Variants in CP observed in about 807,000 individuals in gnomAD.
The protein encoded by CP is ceruloplasmin.
A neutral mutation model predicts 122.4 loss-of-function variants in CP; 64 were observed. The observed-to-expected ratio is 0.52, with a 90% CI of 0.43 to 0.64. CP has a LOEUF of 0.64. Among genes scored for constraint, CP ranks in the 30% least tolerant of loss-of-function variants. The probability of loss-of-function intolerance (pLI) is 0.00; values close to 1 mark genes in which losing one functional copy is unlikely to be tolerated. For synonymous variants in CP, 440 were observed against 436.4 expected (o/e 1.01, Z -0.10); for missense variants, 1,167 against 1,284.4 (o/e 0.91, Z 1.40).
chr3:149,172,075 A>G, downstream of CP: 1 of 1,610,402 alleles, frequency 6.2e-7, no homozygotes, highest in Non-Finnish European at 8.5e-7. Context: ...ATTCTAATTC[A>G]GATATTCTTT....
intron 9 of CP, among the ~76,000 whole-genome samples, chr3:149,195,095 A>T (rs1726812216): frequency 6.6e-6 from 1 of 152,240 alleles, no homozygotes; most frequent in Non-Finnish European, 1.5e-5. Context: ...ATAGCCATAC[A>T]GAAAAAAGAT....
intron 14 of CP, among the ~76,000 whole-genome samples, chr3:149,180,586 A>G (rs1725712514): frequency 6.6e-6 from 1 of 152,186 alleles, no homozygotes; most frequent in Non-Finnish European, 1.5e-5. Flanking sequence ...ACAGACATTC[A>G]CTAGAGAATC....
chr3:149,215,167 A>G (rs1450208832), intron 1 of CP, among the ~76,000 whole-genome samples: 2 of 152,246 alleles, frequency 1.3e-5, no homozygotes, highest in Non-Finnish European at 2.9e-5. Flanking sequence ...TTAAGGCTTC[A>G]TTTAAATAAA....
At chr3:149,173,856 CT>C (rs1725220180) in intron 18 of CP, 126 bp from the exon 19 acceptor site, 1 of 509,118 alleles carries the variant, frequency 2.0e-6, no homozygotes, top group Non-Finnish European at 3.6e-6. Context: ...TATTTTTCTG[CT>C]TTTTATATGT....
chr3:149,166,763 G>A (rs1724463992), intron 4 of CP, among the ~76,000 whole-genome samples: 1 of 152,038 alleles, frequency 6.6e-6, no homozygotes, highest in African/African-American at 2.4e-5. Context: ...ATGCCCATTG[G>A]TTTTAATTTG....
chr3:149,175,150 T>TAAAG (rs1284843139), intron 18 of CP, among the ~76,000 whole-genome samples: 28 of 152,212 alleles, frequency 1.8e-4, no homozygotes, highest in African/African-American at 6.7e-4. Context: ...ACCATCCTTT[T>TAAAG]GTGTGGTTTA....
intron 1 of CP, among the ~76,000 whole-genome samples, chr3:149,214,885 A>C (rs1728355342): frequency 1.3e-5 from 2 of 152,244 alleles, no homozygotes. Flanking sequence ...AGAGGAGGTC[A>C]ATAAGAGTGC....
At chr3:149,206,092 G>A in intron 6 of CP, 76 bp downstream of exon 6, 1 of 1,379,552 alleles carries the variant, frequency 7.2e-7, no homozygotes, top group Non-Finnish European at 1.0e-6. Context: ...AATTTTAATT[G>A]CTGAATTAGC....
chr3:149,200,135 A>G (rs1331062280), intron 7 of CP: 1 of 439,344 alleles, frequency 2.3e-6, no homozygotes, highest in Non-Finnish European at 4.2e-6. Flanking sequence ...ACACATCTAC[A>G]AAAACTATTC....
chr3:149,180,692 T>C (rs1203946867), intron 14 of CP, among the ~76,000 whole-genome samples: 1 of 152,240 alleles, frequency 6.6e-6, no homozygotes, highest in Non-Finnish European at 1.5e-5. Context: ...TCACCCTTTT[T>C]CTAAGCAGAA....
chr3:149,174,589 T>C lies in CP; in HGVS notation c.3182-859A>G, dbSNP rs189679778. ...TCTTCATTGAATTAATATGTTGTTA[T>C]ACATTCAGTAAGCAAACTATTGTAT... On this transcript the variant is annotated intron_variant, in intron 18 of 18. Coordinates refer to ENST00000264613, the MANE Select transcript of CP (RefSeq NM_000096.4). Among the ~76,000 whole-genome samples the C allele has an allele frequency of 1.2e-3, 183 of 152,328 alleles. 1 individual carries two copies. Among genetic ancestry groups the C allele is most frequent in the African/African-American group, 4.0e-3 (166 of 41,580 alleles).
At chr3:149,184,028 C>CTTTTTTTTTTTTTTT (rs869206210) in intron 12 of CP, among the ~76,000 whole-genome samples, 5 of 63,562 alleles carry the variant, frequency 7.9e-5, no homozygotes, top group African/African-American at 1.2e-4. Flanking sequence ...TCACTTACTT[C>CTTTTTTTTTTTTTTT]TTTTTTTTTT....
chr3:149,175,634 CA>C (rs1175535138), intron 18 of CP, among the ~76,000 whole-genome samples: 3 of 145,370 alleles, frequency 2.1e-5, no homozygotes, highest in Non-Finnish European at 4.5e-5. Flanking sequence ...GGAATCTTAC[CA>C]AAAAAACTGT....
intron 11 of CP, chr3:149,186,056 C>T (rs1274976434): frequency 3.2e-5 from 6 of 185,230 alleles, no homozygotes; most frequent in East Asian, 1.4e-4. Flanking sequence ...TTGTTTTACT[C>T]GTTCAGAGCC....
intron 7 of CP, among the ~76,000 whole-genome samples, chr3:149,200,953 A>G (rs550019157): frequency 6.6e-6 from 1 of 152,046 alleles, no homozygotes; most frequent in African/African-American, 2.4e-5. Context: ...GAAAAAAAAA[A>G]GTGAAGAACC....
At chr3:149,185,200 A>C in intron 12 of CP, 39 bp downstream of exon 12, 2 of 1,606,690 alleles carry the variant, frequency 1.2e-6, no homozygotes, top group African/African-American at 2.7e-5. Context: ...GAAACCTAAA[A>C]TTACTGCTGA....
At chr3:149,196,872 A>C (rs1469230244) in intron 9 of CP, among the ~76,000 whole-genome samples, 1 of 152,236 alleles carries the variant, frequency 6.6e-6, no homozygotes, top group African/African-American at 2.4e-5. Flanking sequence ...ATACGCCCAG[A>C]TGGCCTGAAG....
chr3:149,186,816 G>GT lies in CP; in HGVS notation c.1865-85dup, dbSNP rs1726212482. 27 of 1,341,034 alleles carry GT rather than the reference G, an allele frequency of 2.0e-5. 1 individual carries two copies. Among genetic ancestry groups the GT allele is most frequent in the South Asian group, 1.7e-4 (14 of 83,762 alleles). 83.1% of individuals were successfully genotyped at this position (1,341,034 alleles called of 1,614,324 possible). ...TCACAGACTTTCCAGGACCAACTTT[G>GT]TTTTTTTAATTTTTAAAAGACCTAT... On this transcript the variant is annotated intron_variant, in intron 10 of 18. Transcript: ENST00000264613.
chr3:149,203,484 G>A lies in CP; in HGVS notation c.1209-1243C>T, dbSNP rs138384306. ...TTGGTATGTTGGCCAGGCTGGTCTC[G>A]CACTCCTGGCCTCAAGTGATCCACC... On this transcript the variant is annotated intron_variant, in intron 6 of 18. Coordinates refer to ENST00000264613, the MANE Select transcript of CP (RefSeq NM_000096.4). 3.0e-3 allele frequency among the ~76,000 whole-genome samples: 458 copies of A among 152,024 alleles called. 1 individual carries two copies. The highest frequency in any genetic ancestry group is 4.7e-3 in the Admixed American group (72 of 15,280).
Sources: allele counts gnomAD v4.1 joint callset (sites outside exome capture counted in the v4.1 genomes callset), GRCh38; gene constraint gnomAD v4.1.1; transcripts MANE v1.5; gene names NCBI Gene and HGNC (gene_info 2026-07-23, HGNC 2026-07-21).